Variants in PPID observed in about 807,000 individuals in gnomAD.
The protein encoded by PPID is peptidylprolyl isomerase D.
PPID carries 47 observed loss-of-function variants against 48.1 expected under a neutral mutation model. The ratio of observed to expected loss-of-function variants is 0.98; its 90% CI spans 0.77 to 1.25. PPID has a LOEUF of 1.25. PPID is among the 50% of genes most tolerant of loss of function. PPID has a pLI of 0.00. For synonymous variants in PPID, 163 were observed against 148.8 expected (o/e 1.10, Z -0.69); for missense variants, 429 against 443.5 (o/e 0.97, Z 0.29).
intron 7 of PPID, among the ~76,000 whole-genome samples, chr4:158,711,965 C>T (rs966359362): frequency 6.6e-6 from 1 of 151,932 alleles, no homozygotes; most frequent in Admixed American, 6.6e-5. Flanking sequence ...CAAAAAAAAA[C>T]CCAGAGTGAA....
chr4:158,719,853 T>G (rs1226371972), intron 2 of PPID, among the ~76,000 whole-genome samples: 1 of 152,142 alleles, frequency 6.6e-6, no homozygotes, highest in Non-Finnish European at 1.5e-5. Flanking sequence ...ACCCTAGAGC[T>G]CACACAAATC....
chr4:158,713,111 A>C lies in PPID; in HGVS notation c.894+8T>G. On this transcript the variant is annotated splice_region_variant and intron_variant, in intron 7 of 9. Transcript: ENST00000307720. ...TTATTCAAAAAGTTCAAAATCAAAC[A>C]GACTTACCTCTAAACAACTGTCAAT... 1.2e-6 allele frequency: 2 copies of C among 1,613,254 alleles called. No individual in the cohort carries two copies. Among genetic ancestry groups the C allele is most frequent in the Non-Finnish European group, 1.7e-6 (2 of 1,179,880 alleles).
At chr4:158,711,391 ATT>A (rs757641661) in intron 7 of PPID, among the ~76,000 whole-genome samples, 17 of 141,302 alleles carry the variant, frequency 1.2e-4, no homozygotes, top group Admixed American at 2.1e-4. Context: ...CACCAGACTA[ATT>A]TTTTTTTTTT....
chr4:158,715,157 GA>G (rs1169626499), intron 6 of PPID, 139 bp downstream of exon 6: 3 of 368,648 alleles, frequency 8.1e-6, no homozygotes, highest in South Asian at 6.7e-5. Context: ...AAGCTGAGGG[GA>G]AAAAAAAGGA....
At chr4:158,711,198 TAACTCTTAAGTTATA>T (rs751508585) in intron 7 of PPID, among the ~76,000 whole-genome samples, 13 of 152,186 alleles carry the variant, frequency 8.5e-5, no homozygotes, top group East Asian at 1.9e-4. Context: ...AATAACTTAA[TAACTCTTAAGTTATA>T]AACTCTTAAG....
chr4:158,716,855 G>A (rs1774880932), intron 4 of PPID, among the ~76,000 whole-genome samples, 157 bp downstream of exon 4: 1 of 152,180 alleles, frequency 6.6e-6, no homozygotes, highest in African/African-American at 2.4e-5. Context: ...CTGCTACTCA[G>A]AAGGCTGAGG....
At chr4:158,712,889 G>A (rs1464991931) in intron 7 of PPID, among the ~76,000 whole-genome samples, 2 of 151,920 alleles carry the variant, frequency 1.3e-5, no homozygotes, top group Non-Finnish European at 2.9e-5. Flanking sequence ...TGATATATGT[G>A]CTTTGAGAAA....
chr4:158,712,959 G>A (rs1774813338), intron 7 of PPID, among the ~76,000 whole-genome samples, 160 bp downstream of exon 7: 1 of 152,210 alleles, frequency 6.6e-6, no homozygotes, highest in African/African-American at 2.4e-5. Flanking sequence ...AATGAATGTA[G>A]AGAAAGAACT....
intron 6 of PPID, among the ~76,000 whole-genome samples, chr4:158,713,609 AAGG>A (rs1327525586): frequency 1.3e-5 from 2 of 152,210 alleles, no homozygotes; most frequent in Non-Finnish European, 2.9e-5. Flanking sequence ...AGGAAAGATG[AAGG>A]AGAACTCTAT....
rs1443766657 is a variant in PPID at position 158,709,756 on chromosome 4, A to G, written c.1093T>C (p.Tyr365His). Residue 365 changes from tyrosine to histidine, a missense_variant, in exon 10 of 10, where the codon TAT (tyrosine) becomes CAT (histidine). Coordinates refer to ENST00000307720, the MANE Select transcript of PPID (RefSeq NM_005038.3). ...KAQKDKEKAV[Y>H]AKMFA ...CCTTTCTAAGCAAACATTTTTGCAT[A>G]TACTGCCTTCTCTTTATCTTTCTGT... The G allele has an allele frequency of 5.0e-6, 8 of 1,608,964 alleles. No individual in the cohort carries two copies. The highest frequency in any genetic ancestry group is 6.8e-6 in the Non-Finnish European group (8 of 1,176,570).
chr4:158,718,597 A>G (rs937169147), intron 3 of PPID, among the ~76,000 whole-genome samples: 3 of 152,158 alleles, frequency 2.0e-5, no homozygotes, highest in African/African-American at 7.2e-5. Context: ...GACTGACGAC[A>G]TTTTTTCAAA....
intron 7 of PPID, among the ~76,000 whole-genome samples, chr4:158,711,312 A>AC (rs1774787262): frequency 6.6e-6 from 1 of 151,684 alleles, no homozygotes; most frequent in African/African-American, 2.4e-5. Context: ...TGCTGCCTCA[A>AC]CCCCCCAGGC....
intron 1 of PPID, 63 bp downstream of exon 1, chr4:158,723,140 TC>T: frequency 1.3e-6 from 2 of 1,482,398 alleles, no homozygotes; most frequent in Non-Finnish European, 9.3e-7. Context: ...GCCCTTGGAA[TC>T]CCCCAAATCC....
Position 158,710,855 on chromosome 4 carries a change from A to G in PPID, c.895-7T>C, listed in dbSNP as rs1774779730. On this transcript the variant is annotated splice_region_variant and splice_polypyrimidine_tract_variant and intron_variant, in intron 7 of 9. Transcript: ENST00000307720. Reference sequence around the variant, plus strand: ...ATGGGTCTAGTTCAAGAGCCTACAAAAAAGTATAAAGCTAGTATTTATATC... The same window carrying G: ...ATGGGTCTAGTTCAAGAGCCTACAAGAAAGTATAAAGCTAGTATTTATATC... 1 of 1,600,920 alleles carries G rather than the reference A, an allele frequency of 6.2e-7. No individual in the cohort carries two copies. Among genetic ancestry groups the G allele is most frequent in the East Asian group, 2.2e-5 (1 of 44,834 alleles).
intron 3 of PPID, 22 bp downstream of exon 3, chr4:158,719,158 A>G (rs755894499): frequency 1.3e-5 from 18 of 1,438,878 alleles, no homozygotes; most frequent in Non-Finnish European, 1.7e-5. Flanking sequence ...ATCAGCAATA[A>G]CATGCATTTT....
In PPID at chr4:158,717,014, T is replaced by A; in HGVS notation, c.520A>T (p.Lys174Ter). The change falls in exon 4 of 10, where the codon AAA becomes TAA. Residue 174 changes from lysine (K) to a stop codon, truncating the protein, a stop_gained and splice_region_variant. Coordinates refer to ENST00000307720, the MANE Select transcript of PPID (RefSeq NM_005038.3). LOFTEE classifies it high-confidence loss of function. ...TTTCACTGTAACTTTTTACTTACTT[T>A]AGCAGGTTTTTCACCTTTCACTTCC... ...NVEVKGEKPAKLCVIAECGEL... is the reference protein window; with the variant it reads ...NVEVKGEKPA 6.2e-7 allele frequency: 1 copy of A among 1,609,534 alleles called. No homozygotes were observed. Among genetic ancestry groups the A allele is most frequent in the Non-Finnish European group, 8.5e-7 (1 of 1,176,300 alleles).
In PPID at chr4:158,710,804, T is replaced by C. The variant is rs1257316907; in HGVS notation, c.939A>G (p.Arg313=). 1.2e-6 allele frequency: 2 copies of C among 1,613,882 alleles called. No homozygotes were observed. Among genetic ancestry groups the C allele is most frequent in the Non-Finnish European group, 1.7e-6 (2 of 1,179,840 alleles). The change falls in exon 8 of 10, where the codon AGA becomes AGG. Residue 313 remains arginine (R), a synonymous_variant. Coordinates refer to ENST00000307720, the MANE Select transcript of PPID (RefSeq NM_005038.3). ...DPSNTKALYR[R]AQGWQGLKEY... ...CTTTTAATCCTTGCCATCCTTGAGC[T>C]CTGCGGTACAATGCTTTGGTATTTG...
intron 2 of PPID, 38 bp downstream of exon 2, chr4:158,721,305 G>A: frequency 1.2e-6 from 2 of 1,601,242 alleles, no homozygotes; most frequent in South Asian, 2.2e-5. Context: ...GGACTTGTCT[G>A]TATGAAGAAT....
Position 158,717,111 on chromosome 4 carries a change from A to G in PPID, c.423T>C (p.His141=), listed in dbSNP as rs994152671. 1 of 1,613,872 alleles carries G rather than the reference A, an allele frequency of 6.2e-7. No individual in the cohort carries two copies. Among genetic ancestry groups the G allele is most frequent in the African/African-American group, 1.3e-5 (1 of 74,912 alleles). ...CAAACACCACATGTTTCCCATCCAA[A>G]TGAGGAGTTGGAACTGTTGTGATAA... The part of the protein sequence containing the change: ...QFFITTVPTP[H]LDGKHVVFGQ... The change falls in exon 4 of 10, where the codon CAT becomes CAC. Residue 141 remains histidine, a synonymous_variant. Coordinates refer to ENST00000307720, the MANE Select transcript of PPID (RefSeq NM_005038.3).
Sources: gnomAD v4.1 joint callset for allele counts (sites outside exome capture counted in the v4.1 genomes callset) on GRCh38, gnomAD v4.1.1 for gene constraint, MANE v1.5 for transcripts, NCBI Gene and HGNC (gene_info 2026-07-23, HGNC 2026-07-21) for gene names.